ADGRG2: variants seen among roughly 807,000 people sequenced by gnomAD.
The protein encoded by ADGRG2 is G protein-coupled receptor 64.
ADGRG2 carries 26 observed loss-of-function variants against 74.1 expected under a neutral mutation model. The ratio of observed to expected loss-of-function variants is 0.35; its 90% CI spans 0.26 to 0.49. The LOEUF is 0.49. ADGRG2 is among the 20% of genes least tolerant of loss of function. The pLI is 0.99. For synonymous variants in ADGRG2, 296 were observed against 295.2 expected, an observed-to-expected ratio of 1.00 and a Z score of -0.03; for missense variants, 619 against 763.1, an observed-to-expected ratio of 0.81 and a Z score of 2.22.
chrX:19,112,440 A>G (rs775720925), intron 1 of ADGRG2, among the ~76,000 whole-genome samples: 2 of 110,572 alleles, frequency 1.8e-5, no homozygotes, highest in Admixed American at 9.8e-5. Flanking sequence ...AGAAAAACCA[A>G]TAACTACACA....
intron 28 of ADGRG2, among the ~76,000 whole-genome samples, chrX:18,993,436 A>G (rs1053788734): frequency 1.8e-5 from 2 of 109,698 alleles, no homozygotes; most frequent in Non-Finnish European, 3.8e-5. Flanking sequence ...TAATCCCAGC[A>G]CTTTGGGAGG....
intron 1 of ADGRG2, among the ~76,000 whole-genome samples, chrX:19,104,669 T>C (rs2062248546): frequency 9.0e-6 from 1 of 110,942 alleles, no homozygotes; most frequent in Admixed American, 9.6e-5. Flanking sequence ...TCCCAACATT[T>C]TGGGAGACCA....
rs764213472 is a variant in ADGRG2 at position 18,991,839 on chromosome X, A to T, written c.2870-791T>A. 7.1e-5 allele frequency among the ~76,000 whole-genome samples: 8 copies of T among 112,341 alleles called. No individual in the cohort carries two copies. In the East Asian group the frequency reaches 1.4e-3, roughly 20 times the overall value. The stretch of plus-strand genomic sequence containing the variant: ...AAGCTGAATAATAAGCCCATTTGAT[A>T]GTTCATGACATGATTATGATAACAA... On this transcript the variant is annotated intron_variant, in intron 28 of 28. Transcript: ENST00000379869.
In ADGRG2 at chrX:19,021,149, A is replaced by T; in HGVS notation, c.598T>A (p.Cys200Ser). The change falls in exon 14 of 29, where the codon TGT (cysteine) becomes AGT (serine). Residue 200 changes from cysteine to serine, a missense_variant. Physicochemically the swap from Cys to Ser is moderately radical, Grantham distance 112 (BLOSUM62 -1). Coordinates refer to ENST00000379869, the MANE Select transcript of ADGRG2 (RefSeq NM_001079858.3). ...CTTTCCAAAGCAGCTATTACAGCAC[A>T]TGCATTCATTGTATTATTCAGTTTT... ...TIKLNNTMNA[C>S]AVIAALERVK... is the part of the protein sequence containing the mutation. 8.8e-7 allele frequency: 1 copy of T among 1,132,378 alleles called. No homozygotes were observed. 93.3% of individuals were successfully genotyped at this position (1,132,378 alleles called of 1,213,427 possible). A position where few individuals can be genotyped will look rare whatever the true frequency, so the allele number is the denominator to read the frequency against.
At position 19,019,674 on chromosome X, in the gene ADGRG2, G is replaced by A; in HGVS notation, c.644-9C>T. On this transcript the variant is annotated splice_polypyrimidine_tract_variant and intron_variant, in intron 14 of 28. Coordinates refer to ENST00000379869, the MANE Select transcript of ADGRG2 (RefSeq NM_001079858.3). ...AGAACAGCAGCAGTGTTCTAGGAGA[G>A]ACAAAAGGAAAAGGAGTAAGAAAAA... The A allele has an allele frequency of 9.1e-7, 1 of 1,094,470 alleles. No homozygotes were observed. The allele number at this position is 1,094,470 out of a possible 1,213,427, so 90.2% of individuals were successfully genotyped here.
intron 1 of ADGRG2, among the ~76,000 whole-genome samples, chrX:19,103,587 T>TA (rs1442884233): frequency 2.7e-5 from 3 of 111,877 alleles, no homozygotes; most frequent in Non-Finnish European, 5.6e-5. Context: ...TCGGGACCTC[T>TA]TTTAGTAACA....
At chrX:19,118,148 G>C (rs182661940) in intron 1 of ADGRG2, among the ~76,000 whole-genome samples, 1 of 111,320 alleles carries the variant, frequency 9.0e-6, no homozygotes, top group East Asian at 2.8e-4. Flanking sequence ...ACTAAAGCAA[G>C]AAAATAAAAT....
chrX:19,079,321 A>G lies in ADGRG2; in HGVS notation c.-2+3381T>C, dbSNP rs144917722. Among the ~76,000 whole-genome samples, 687 of 112,403 alleles carry G rather than the reference A, an allele frequency of 6.1e-3. 15 individuals carry two copies. Among genetic ancestry groups the G allele is most frequent in the Admixed American group, 0.056 (595 of 10,571 alleles). ...AAGGAAAGTCCTTAGATTTTTGCCC[A>G]TTATATAAATCAAATGAGACTGTTT... On this transcript the variant is annotated intron_variant, in intron 2 of 28. Transcript: ENST00000379869.
Position 19,033,598 on chromosome X carries a change from GATA to G in ADGRG2, c.304+12_304+14del. On this transcript the variant is annotated intron_variant, in intron 8 of 28. Transcript: ENST00000379869. ...TTATAAAAAGGAAAGTCTTGATATT[GATA>G]ATAAGTCATACCTGATGCATTGAAG... is the stretch of plus-strand genomic sequence containing the variant. The G allele has an allele frequency of 6.7e-6, 5 of 741,813 alleles. No individual in the cohort carries two copies. The highest frequency in any genetic ancestry group is 2.1e-5 in the African/African-American group (1 of 47,204). The allele number at this position is 741,813 out of a possible 1,213,427, so 61.1% of individuals were successfully genotyped here.
intron 8 of ADGRG2, chrX:19,032,034 C>G (rs2060836245): frequency 3.6e-5 from 4 of 112,136 alleles, no homozygotes; most frequent in South Asian, 7.3e-4. Context: ...GTGCAATGCC[C>G]AACTGCAAGT....
intron 1 of ADGRG2, among the ~76,000 whole-genome samples, chrX:19,116,048 A>G (rs1423442471): frequency 9.1e-6 from 1 of 110,438 alleles, no homozygotes; most frequent in African/African-American, 3.3e-5. Context: ...CGTCACTACA[A>G]AAACTTTTTA....
At chrX:19,013,652 T>C (rs750355375) in intron 16 of ADGRG2, 34 bp downstream of exon 16, 18 of 1,117,674 alleles carry the variant, frequency 1.6e-5, no homozygotes, top group South Asian at 1.1e-4. Flanking sequence ...GATGTCTTGA[T>C]TGGCAGATTG....
At chrX:19,092,622 C>T (rs186322831) in intron 1 of ADGRG2, among the ~76,000 whole-genome samples, 2 of 111,544 alleles carry the variant, frequency 1.8e-5, no homozygotes, top group Admixed American at 1.9e-4. Flanking sequence ...GTGGGGTATG[C>T]ACAGTCCCTT....
At chrX:19,027,956 C>G (rs1411544414) in intron 10 of ADGRG2, among the ~76,000 whole-genome samples, 1 of 112,435 alleles carries the variant, frequency 8.9e-6, no homozygotes, top group African/African-American at 3.2e-5. Context: ...TCTTATTCAG[C>G]AGCAAGCCTA....
chrX:19,051,543 G>A (rs752519325), intron 3 of ADGRG2, among the ~76,000 whole-genome samples: 1 of 111,904 alleles, frequency 8.9e-6, no homozygotes, highest in East Asian at 2.8e-4. Flanking sequence ...TCTGTCAAGA[G>A]GTAGAACCTA....
intron 24 of ADGRG2, among the ~76,000 whole-genome samples, chrX:19,000,814 C>T (rs1297584057): frequency 1.3e-4 from 13 of 103,125 alleles, no homozygotes; most frequent in South Asian, 4.9e-4. Context: ...CTGCAACCTC[C>T]GCCTCCGCCT....
At position 19,019,173 on chromosome X, in the gene ADGRG2, T is replaced by C. The variant is rs535363460; in HGVS notation, c.710+426A>G. On this transcript the variant is annotated intron_variant, in intron 15 of 28. Transcript: ENST00000379869. ...GTACTCTTAAATAATGGATCAGATA[T>C]CAATTAGAAAAAATACAGAAAAGAC... is the stretch of plus-strand genomic sequence containing the variant. 5.4e-5 allele frequency among the ~76,000 whole-genome samples: 6 copies of C among 111,457 alleles called. No individual in the cohort carries two copies. In the Middle Eastern group the frequency reaches 0.014, roughly 257 times the overall value.
At chrX:19,084,956 G>A (rs1481699337) in intron 1 of ADGRG2, among the ~76,000 whole-genome samples, 2 of 112,539 alleles carry the variant, frequency 1.8e-5, no homozygotes, top group Non-Finnish European at 3.7e-5. Context: ...CACCATTGGT[G>A]GAAACATAAA....
rs1361575190 is a variant in ADGRG2, at chrX:18,990,983, C to T, written c.2935G>A (p.Asp979Asn). 4.2e-6 allele frequency: 5 copies of T among 1,198,517 alleles called. No individual in the cohort carries two copies. Among genetic ancestry groups the T allele is most frequent in the Admixed American group, 4.4e-5 (2 of 45,605 alleles). The part of the protein sequence containing the change: ...SVQNGDVCLH[D>N]FTGKQHMFNE... ...AACATGTGCTGTTTTCCAGTGAAAT[C>T]GTGAAGGCACACATCTCCATTCTGA... The change falls in exon 29 of 29, where the codon GAT becomes AAT. Residue 979 changes from aspartate to asparagine, a missense_variant. Coordinates refer to ENST00000379869, the MANE Select transcript of ADGRG2 (RefSeq NM_001079858.3).
Sources: allele counts gnomAD v4.1 joint callset (sites outside exome capture counted in the v4.1 genomes callset), GRCh38; gene constraint gnomAD v4.1.1; transcripts MANE v1.5; gene names NCBI Gene and HGNC (gene_info 2026-07-23, HGNC 2026-07-21).